The following ARMC8 variants were observed in gnomAD, a reference collection of about 807,000 sequenced individuals.
The protein encoded by ARMC8 is armadillo repeat containing 8, also known as armadillo repeat-containing protein 8.
In ARMC8, 20 loss-of-function variants were observed where a neutral mutation model predicts 99.3. That is an observed-to-expected ratio of 0.20 (90% CI 0.14 to 0.29). ARMC8 has a LOEUF of 0.29. Among genes scored for constraint, ARMC8 ranks in the 10% least tolerant of loss-of-function variants. The pLI is 1.00. For synonymous variants in ARMC8, 263 were observed against 278.3 expected (o/e 0.95, Z 0.55); for missense variants, 569 against 809.5 (o/e 0.70, Z 3.60).
chr3:138,240,118 C>T (rs1408309800), intron 10 of ARMC8, among the ~76,000 whole-genome samples: 3 of 152,100 alleles, frequency 2.0e-5, no homozygotes, highest in Non-Finnish European at 2.9e-5. Context: ...TTTGATGCCT[C>T]GGACTCCAGA....
intron 12 of ARMC8, among the ~76,000 whole-genome samples, chr3:138,259,226 A>G (rs570923608): frequency 1.3e-5 from 2 of 152,328 alleles, no homozygotes; most frequent in South Asian, 4.1e-4. Flanking sequence ...TGTCTGGTGC[A>G]CTGTTAAACC....
intron 19 of ARMC8, 22 bp from the exon 20 acceptor site, chr3:138,289,026 T>A: frequency 6.2e-7 from 1 of 1,601,434 alleles, no homozygotes. Flanking sequence ...TTTGATTTTT[T>A]TTTCTTTTTC....
At chr3:138,270,279 C>A in intron 16 of ARMC8, 147 bp downstream of exon 16, 1 of 606,648 alleles carries the variant, frequency 1.6e-6, no homozygotes, top group Non-Finnish European at 2.8e-6. Flanking sequence ...TGACTAGGAC[C>A]TAGAAGGCTT....
intron 14 of ARMC8, among the ~76,000 whole-genome samples, chr3:138,265,262 C>G (rs2048170117): frequency 6.6e-6 from 1 of 151,878 alleles, no homozygotes; most frequent in Non-Finnish European, 1.5e-5. Context: ...TTTTGTCCCC[C>G]CCAAAAAAGG....
intron 2 of ARMC8, among the ~76,000 whole-genome samples, chr3:138,211,235 T>C (rs1486806769): frequency 6.6e-6 from 1 of 152,204 alleles, no homozygotes; most frequent in African/African-American, 2.4e-5. Context: ...GCTCCGTATA[T>C]AGATAATTCT....
At chr3:138,259,099 A>G (rs1228995600) in intron 12 of ARMC8, among the ~76,000 whole-genome samples, 1 of 152,208 alleles carries the variant, frequency 6.6e-6, no homozygotes, top group African/African-American at 2.4e-5. Flanking sequence ...GCAGGGTGCT[A>G]GGACTTGGCA....
intron 2 of ARMC8, among the ~76,000 whole-genome samples, chr3:138,210,545 G>C (rs894010158): frequency 6.6e-6 from 1 of 152,104 alleles, no homozygotes; most frequent in Non-Finnish European, 1.5e-5. Context: ...GTTCTAAGGA[G>C]GAAGGTCTAG....
At chr3:138,281,831 C>T (rs1269721660) in intron 18 of ARMC8, among the ~76,000 whole-genome samples, 2 of 152,132 alleles carry the variant, frequency 1.3e-5, no homozygotes, top group Non-Finnish European at 2.9e-5. Context: ...GAGGGGGTAG[C>T]TGTTTTCTAG....
intron 18 of ARMC8, among the ~76,000 whole-genome samples, chr3:138,281,397 A>T (rs755826821): frequency 6.6e-6 from 1 of 151,148 alleles, no homozygotes; most frequent in Non-Finnish European, 1.5e-5. Flanking sequence ...GGTTTAATAG[A>T]TTCTCCTGCC....
intron 15 of ARMC8, among the ~76,000 whole-genome samples, chr3:138,267,971 G>A (rs1017598870): frequency 2.0e-5 from 3 of 152,142 alleles, no homozygotes; most frequent in Admixed American, 6.5e-5. Flanking sequence ...GGCCAGGCAC[G>A]GTGGTTCATG....
chr3:138,249,792 C>G (rs1559988883), intron 12 of ARMC8, among the ~76,000 whole-genome samples: 1 of 152,058 alleles, frequency 6.6e-6, no homozygotes, highest in African/African-American at 2.4e-5. Flanking sequence ...TAGCCTTAAA[C>G]CTCAGCATTT....
At chr3:138,191,818 ATTG>A (rs2043401612) in intron 1 of ARMC8, among the ~76,000 whole-genome samples, 1 of 152,098 alleles carries the variant, frequency 6.6e-6, no homozygotes, top group African/African-American at 2.4e-5. Flanking sequence ...ATCTATCCAT[ATTG>A]TTGTATGTAG....
chr3:138,213,635 C>G (rs1036798810), intron 2 of ARMC8, among the ~76,000 whole-genome samples: 2 of 152,154 alleles, frequency 1.3e-5, no homozygotes, highest in Admixed American at 6.5e-5. Context: ...TTCTGAGCTT[C>G]CTGTAATATG....
At chr3:138,290,776 A>T in intron 21 of ARMC8, 137 bp downstream of exon 21, 1 of 642,964 alleles carries the variant, frequency 1.6e-6, no homozygotes, top group Non-Finnish European at 2.7e-6. Flanking sequence ...ATTTTCTATG[A>T]GCCACTGTAC....
At chr3:138,236,309 C>A (rs1381639762) in intron 7 of ARMC8, among the ~76,000 whole-genome samples, 1 of 152,190 alleles carries the variant, frequency 6.6e-6, no homozygotes, top group African/African-American at 2.4e-5. Context: ...AAAGGCTAAA[C>A]CAGTCAGCAC....
In ARMC8 at chr3:138,225,236, A is replaced by G. The variant is rs2045626372; in HGVS notation, c.435+1503A>G. ...TTCTCCTGCCTCAGCCTCCCGAGCT[A>G]CTCAGCTGGGCCTACAGGCATGTGC... On this transcript the variant is annotated intron_variant, in intron 5 of 21. Coordinates refer to ENST00000469044, the MANE Select transcript of ARMC8 (RefSeq NM_001363941.2). Among the ~76,000 whole-genome samples the G allele has an allele frequency of 3.3e-5, 5 of 149,876 alleles. No homozygotes were observed. In the South Asian group the frequency reaches 1.0e-3, roughly 31 times the overall value.
In ARMC8 at chr3:138,256,913, A is replaced by T. The variant is rs547142429; in HGVS notation, c.1135-6826A>T. 3.1e-4 allele frequency among the ~76,000 whole-genome samples: 47 copies of T among 152,362 alleles called. No individual in the cohort carries two copies. The South Asian group carries it at 9.5e-3, about 31-fold the overall frequency. On this transcript the variant is annotated intron_variant, in intron 12 of 21. Transcript: ENST00000469044. ...AAGTGAAAAATCTCATCCTTAAAAC[A>T]TAGTGAATAGAAAGGACCTCATACT... is the stretch of plus-strand genomic sequence containing the variant.
At chr3:138,283,985 G>A (rs1479006104) in intron 18 of ARMC8, among the ~76,000 whole-genome samples, 1 of 152,214 alleles carries the variant, frequency 6.6e-6, no homozygotes, top group Non-Finnish European at 1.5e-5. Context: ...GCAGGTGGAG[G>A]CCTAGGAAAG....
At chr3:138,263,929 C>A in intron 13 of ARMC8, 108 bp downstream of exon 13, 1 of 1,135,062 alleles carries the variant, frequency 8.8e-7, no homozygotes, top group Non-Finnish European at 1.3e-6. Context: ...CCTCAAAAAT[C>A]TGCTCAGGTG....
Sources: allele counts gnomAD v4.1 joint callset (sites outside exome capture counted in the v4.1 genomes callset), GRCh38; gene constraint gnomAD v4.1.1; transcripts MANE v1.5; gene names NCBI Gene and HGNC (gene_info 2026-07-23, HGNC 2026-07-21).